Variants in ADGRV1 observed in about 807,000 individuals in gnomAD.
ADGRV1 encodes the protein adhesion G protein-coupled receptor V1, also known as G-protein coupled receptor 98.
ADGRV1 carries 359 observed loss-of-function variants against 596.2 expected under a neutral mutation model. That is an observed-to-expected ratio of 0.60 (90% CI 0.55 to 0.66). The LOEUF (loss-of-function observed/expected upper bound fraction) is 0.66. Among genes scored for constraint, ADGRV1 ranks in the 30% least tolerant of loss-of-function variants. The probability of loss-of-function intolerance (pLI) is 0.00; values close to 1 mark genes in which losing one functional copy is unlikely to be tolerated. For synonymous variants in ADGRV1, 2,681 were observed against 2,679.2 expected (o/e 1.00, Z -0.02); for missense variants, 7,274 against 7,575.6 (o/e 0.96, Z 1.48).
intron 34 of ADGRV1, among the ~76,000 whole-genome samples, chr5:90,701,566 G>T (rs1433710655): frequency 2.0e-5 from 3 of 151,760 alleles, no homozygotes; most frequent in Non-Finnish European, 4.4e-5. Context: ...ATTTATATGT[G>T]CTTCTCTATG....
intron 83 of ADGRV1, among the ~76,000 whole-genome samples, chr5:90,954,427 G>T (rs1777303029): frequency 6.6e-6 from 1 of 151,982 alleles, no homozygotes; most frequent in African/African-American, 2.4e-5. Context: ...TTTTAGGCAT[G>T]CCATACTATC....
At chr5:90,651,784 GTA>G in intron 18 of ADGRV1, 54 bp downstream of exon 18, 1 of 1,153,526 alleles carries the variant, frequency 8.7e-7, no homozygotes, top group Non-Finnish European at 1.2e-6. Context: ...AAACCATTAA[GTA>G]TGTGAAATTC....
In ADGRV1 at chr5:90,564,629, T is replaced by A. The variant is rs1201828995; in HGVS notation, c.22+5712T>A. ...TGGCGTTTAATATATATATATATTT[T>A]TTTTTTTTTTTTTTTGAGACGGAGT... On this transcript the variant is annotated intron_variant, in intron 1 of 89. Transcript: ENST00000405460. 1.4e-3 allele frequency among the ~76,000 whole-genome samples: 34 copies of A among 24,202 alleles called. 7 individuals carry two copies. Among genetic ancestry groups the A allele is most frequent in the South Asian group, 0.012 (9 of 760 alleles). The allele number at this position is 24,202 out of a possible 152,430, so 15.9% of individuals were successfully genotyped here.
Position 90,622,415 on chromosome 5 carries a change from C to A in ADGRV1, c.454-182C>A, listed in dbSNP as rs7709691. On this transcript the variant is annotated intron_variant, in intron 4 of 89. Coordinates refer to ENST00000405460, the MANE Select transcript of ADGRV1 (RefSeq NM_032119.4). ...GTTTTTATGTTCCCTTTACACTATT[C>A]TTTTTAACTTTTTCAGCATTTTAAA... Among the ~76,000 whole-genome samples the A allele has an allele frequency of 0.18, 27,637 of 152,184 alleles. 2,689 individuals carry two copies. Among genetic ancestry groups the A allele is most frequent in the East Asian group, 0.4 (2,075 of 5,178 alleles).
chr5:91,019,733 G>T (rs150703993), intron 85 of ADGRV1, among the ~76,000 whole-genome samples: 377 of 152,060 alleles, frequency 2.5e-3, no homozygotes, highest in Non-Finnish European at 4.1e-3. Flanking sequence ...GGTTGTTAGT[G>T]AAAATACTGC....
chr5:90,661,258 T>C (rs1177715011), intron 21 of ADGRV1, among the ~76,000 whole-genome samples: 1 of 152,242 alleles, frequency 6.6e-6, no homozygotes, highest in African/African-American at 2.4e-5. Context: ...TAGTGATTCA[T>C]AGAACTTGCT....
chr5:90,907,504 C>T (rs1772435140), intron 83 of ADGRV1, among the ~76,000 whole-genome samples: 1 of 152,080 alleles, frequency 6.6e-6, no homozygotes, highest in African/African-American at 2.4e-5. Flanking sequence ...CCATCCTTCC[C>T]TTTCTCACAC....
intron 89 of ADGRV1, among the ~76,000 whole-genome samples, chr5:91,158,841 A>C (rs541099772): frequency 3.5e-5 from 5 of 141,586 alleles, no homozygotes; most frequent in Non-Finnish European, 6.1e-5. Context: ...GGATGGATAC[A>C]TGGATGGGTG....
At chr5:91,080,975 A>AT (rs1789309685) in intron 86 of ADGRV1, among the ~76,000 whole-genome samples, 1 of 151,936 alleles carries the variant, frequency 6.6e-6, no homozygotes, top group Admixed American at 6.6e-5. Flanking sequence ...TTTCTTCATG[A>AT]TTTTGCCTGG....
At chr5:90,730,752 G>T (rs1441151252) in intron 50 of ADGRV1, among the ~76,000 whole-genome samples, 2 of 152,164 alleles carry the variant, frequency 1.3e-5, no homozygotes, top group Non-Finnish European at 2.9e-5. Flanking sequence ...TATCAAGCTG[G>T]CTCATGGGGT....
intron 83 of ADGRV1, among the ~76,000 whole-genome samples, chr5:90,892,166 A>G (rs934976120): frequency 3.9e-5 from 6 of 152,084 alleles, no homozygotes; most frequent in African/African-American, 9.7e-5. Flanking sequence ...ACCTCTCTCA[A>G]TGTTGCAAAA....
chr5:90,613,678 G>A (rs769741167), intron 1 of ADGRV1, among the ~76,000 whole-genome samples: 4 of 152,074 alleles, frequency 2.6e-5, no homozygotes, highest in Non-Finnish European at 5.9e-5. Context: ...ATCCCTGTCT[G>A]GATTTTAGAG....
intron 1 of ADGRV1, chr5:90,614,145 A>G (rs1763046979): frequency 1.8e-5 from 6 of 336,558 alleles, no homozygotes; most frequent in South Asian, 1.5e-4. Context: ...ATAAACACAC[A>G]TATCATAGTG....
chr5:90,810,048 C>T (rs1454172799), intron 73 of ADGRV1, among the ~76,000 whole-genome samples, 185 bp from the exon 74 acceptor site: 1 of 152,188 alleles, frequency 6.6e-6, no homozygotes, highest in Non-Finnish European at 1.5e-5. Flanking sequence ...TTTGCAGCTC[C>T]TGTTCTTACA....
chr5:90,878,511 C>T (rs1271740709), intron 83 of ADGRV1, among the ~76,000 whole-genome samples: 5 of 152,138 alleles, frequency 3.3e-5, no homozygotes, highest in East Asian at 1.9e-4. Context: ...TTGTGATTCC[C>T]GAAACAGTCA....
At chr5:91,120,727 C>T (rs533125291) in intron 87 of ADGRV1, among the ~76,000 whole-genome samples, 1 of 152,134 alleles carries the variant, frequency 6.6e-6, no homozygotes, top group African/African-American at 2.4e-5. Context: ...GTACAAAACA[C>T]TGGGCTCCAC....
intron 83 of ADGRV1, among the ~76,000 whole-genome samples, chr5:90,957,006 A>G (rs1777538345): frequency 6.6e-6 from 1 of 152,164 alleles, no homozygotes; most frequent in Non-Finnish European, 1.5e-5. Context: ...AAAAGATGCT[A>G]GCCCAGAAAA....
intron 76 of ADGRV1, among the ~76,000 whole-genome samples, 191 bp downstream of exon 76, chr5:90,823,787 A>G (rs1763825949): frequency 6.6e-6 from 1 of 152,192 alleles, no homozygotes; most frequent in East Asian, 1.9e-4. Context: ...GGTATTTTGT[A>G]AATAAACTTG....
Position 90,689,881 on chromosome 5 carries a change from T to G in ADGRV1, c.6511T>G (p.Ser2171Ala), listed in dbSNP as rs1221827630. 1.9e-6 allele frequency: 3 copies of G among 1,612,678 alleles called. No homozygotes were observed. Among genetic ancestry groups the G allele is most frequent in the Non-Finnish European group, 2.5e-6 (3 of 1,179,108 alleles). The change falls in exon 30 of 90, where the codon TCA becomes GCA. Residue 2171 changes from serine to alanine, a missense_variant. Ser to Ala is a moderately conservative substitution (Grantham distance 99). Around this residue, in one of 5 missense-constraint regions of ADGRV1, gnomAD observed 3,643 missense variants for 3,809.2 expected, o/e 0.96. Transcript: ENST00000405460. ...AIAGEDYSIA[S>A]SDVVLLEGET... ...TTCAGGTGAAGATTATAGTATAGCT[T>G]CATCAGATGTGGTCTTGCTAGAAGG...
Sources: gnomAD v4.1 joint callset for allele counts (sites outside exome capture counted in the v4.1 genomes callset) on GRCh38, gnomAD v4.1.1 for gene constraint, gnomAD v4.1.1 regional missense constraint, MANE v1.5 for transcripts, NCBI Gene and HGNC (gene_info 2026-07-23, HGNC 2026-07-21) for gene names.